Variants in SHISA9 observed in about 807,000 individuals in gnomAD.
SHISA9 encodes the protein shisa family member 9.
SHISA9 carries 13 observed loss-of-function variants against 38.0 expected under a neutral mutation model. The observed-to-expected ratio is 0.34, with a 90% CI of 0.22 to 0.54. The LOEUF (loss-of-function observed/expected upper bound fraction) is 0.54. SHISA9 is among the 20% of genes least tolerant of loss of function. SHISA9 has a pLI of 0.91. For missense variants in SHISA9, 538 were observed against 575.8 expected, an observed-to-expected ratio of 0.93 and a Z score of 0.67; for synonymous variants, 275 against 242.0, an observed-to-expected ratio of 1.14 and a Z score of -1.27.
downstream of SHISA9, among the ~76,000 whole-genome samples, chr16:13,245,258 A>G (rs2051463443): frequency 6.6e-6 from 1 of 152,226 alleles, no homozygotes; most frequent in Admixed American, 6.5e-5. Flanking sequence ...CTAAATTTCA[A>G]CTAGAGGCCA....
the SHISA9 span, among the ~76,000 whole-genome samples, chr16:13,310,135 G>A: frequency 1.2e-4 from 18 of 152,254 alleles, no homozygotes; most frequent in African/African-American, 4.3e-4. Flanking sequence ...TGATCCACCT[G>A]CCTCGGCCTC....
chr16:13,188,716 CAAAAAAA>C (rs35558481), intron 2 of SHISA9, among the ~76,000 whole-genome samples: 10 of 79,346 alleles, frequency 1.3e-4, no homozygotes, highest in East Asian at 3.8e-4. Context: ...GACCCTGTTT[CAAAAAAA>C]AAAAAAAAAA....
chr16:13,529,439 G>A, the SHISA9 span, among the ~76,000 whole-genome samples: 1 of 152,134 alleles, frequency 6.6e-6, no homozygotes, highest in Non-Finnish European at 1.5e-5. Context: ...ACCCACCTAT[G>A]ACCTGTAAAT....
At position 13,181,267 on chromosome 16, in the gene SHISA9, T is replaced by TTATA. The variant is rs1156705123; in HGVS notation, c.692-22084_692-22081dup. Among the ~76,000 whole-genome samples the TTATA allele has an allele frequency of 9.3e-3, 739 of 79,372 alleles. 8 individuals carry two copies. Among genetic ancestry groups the TTATA allele is most frequent in the Non-Finnish European group, 0.013 (516 of 40,954 alleles). The allele number at this position is 79,372 out of a possible 152,430, so 52.1% of individuals were successfully genotyped here. The stretch of plus-strand genomic sequence containing the variant: ...AGAAAGTCTTTCCTAAAATAAAATT[T>TTATA]TATATATATATATATATATATATAT... On this transcript the variant is annotated intron_variant, in intron 2 of 4. Transcript: ENST00000558583.
intron 2 of SHISA9, among the ~76,000 whole-genome samples, chr16:13,093,366 G>T (rs927026839): frequency 1.1e-4 from 17 of 152,174 alleles, no homozygotes; most frequent in African/African-American, 3.9e-4. Context: ...GCCTCAGTTT[G>T]TTCATCTATA....
the SHISA9 span, among the ~76,000 whole-genome samples, chr16:13,349,167 TC>T: frequency 3.9e-5 from 6 of 152,196 alleles, no homozygotes; most frequent in Admixed American, 6.5e-5. Context: ...AAATATCAAC[TC>T]CCTTTGTTCT....
At chr16:13,452,212 A>AG in the SHISA9 span, among the ~76,000 whole-genome samples, 1 of 152,164 alleles carries the variant, frequency 6.6e-6, no homozygotes, top group African/African-American at 2.4e-5. Context: ...TTACAGAGGG[A>AG]GGGTGCACAG....
chr16:13,415,551 T>G, the SHISA9 span, among the ~76,000 whole-genome samples: 1 of 152,174 alleles, frequency 6.6e-6, no homozygotes, highest in Admixed American at 6.5e-5. Context: ...TAAGTTTACC[T>G]ATATAACCAA....
chr16:12,908,339 G>A (rs2071131562), intron 1 of SHISA9: 1 of 1,341,290 alleles, frequency 7.5e-7, no homozygotes, highest in African/African-American at 1.5e-5. Context: ...ATAGGAGGGA[G>A]GGTCTATATG....
At chr16:13,167,000 GA>G (rs1358524532) in intron 2 of SHISA9, among the ~76,000 whole-genome samples, 6 of 150,192 alleles carry the variant, frequency 4.0e-5, no homozygotes, top group Admixed American at 6.6e-5. Context: ...AATTTTTTAA[GA>G]TTTTTTTTCC....
chr16:13,375,672 C>A, the SHISA9 span, among the ~76,000 whole-genome samples: 3 of 151,524 alleles, frequency 2.0e-5, no homozygotes, highest in East Asian at 5.8e-4. Flanking sequence ...TTAGCAATAG[C>A]CAAAAAACAA....
At chr16:12,984,012 T>A (rs1385478637) in intron 2 of SHISA9, among the ~76,000 whole-genome samples, 4 of 152,332 alleles carry the variant, frequency 2.6e-5, no homozygotes, top group Non-Finnish European at 4.4e-5. Flanking sequence ...GGTGTTTTTT[T>A]AAAAAATGTA....
At chr16:13,469,354 G>GA in the SHISA9 span, among the ~76,000 whole-genome samples, 792 of 100,410 alleles carry the variant, frequency 7.9e-3, 1 homozygote, top group Admixed American at 0.015. Flanking sequence ...AAGAAAGAAA[G>GA]AAAGAAAAGA....
chr16:13,529,322 C>T, the SHISA9 span, among the ~76,000 whole-genome samples: 2 of 152,328 alleles, frequency 1.3e-5, no homozygotes, highest in East Asian at 1.9e-4. Context: ...TAGCATGCCA[C>T]GATGATTAGC....
At chr16:13,124,283 A>G (rs2050237981) in intron 2 of SHISA9, among the ~76,000 whole-genome samples, 1 of 152,166 alleles carries the variant, frequency 6.6e-6, no homozygotes. Context: ...AAATGGGGGG[A>G]TAATGAACAG....
At chr16:13,438,181 C>G in the SHISA9 span, among the ~76,000 whole-genome samples, 1 of 152,118 alleles carries the variant, frequency 6.6e-6, no homozygotes, top group African/African-American at 2.4e-5. Context: ...ACTTTTTATA[C>G]CATTTCAATA....
the SHISA9 span, among the ~76,000 whole-genome samples, chr16:13,260,016 T>C: frequency 1.8e-5 from 2 of 109,252 alleles, no homozygotes; most frequent in African/African-American, 3.6e-5. Flanking sequence ...TCTTTTTTTT[T>C]TTTTTTTTTT....
chr16:13,528,515 C>T, the SHISA9 span, among the ~76,000 whole-genome samples: 329 of 152,184 alleles, frequency 2.2e-3, 1 homozygote, highest in African/African-American at 7.6e-3. Flanking sequence ...AATTGAAATT[C>T]ATCAAGATCC....
the SHISA9 span, among the ~76,000 whole-genome samples, chr16:13,304,747 G>A: frequency 1.1e-4 from 16 of 152,144 alleles, no homozygotes; most frequent in Admixed American, 2.0e-4. Flanking sequence ...AAACTGATTC[G>A]TAGTGAGGTT....
Sources: allele counts gnomAD v4.1 joint callset (sites outside exome capture counted in the v4.1 genomes callset), GRCh38; gene constraint gnomAD v4.1.1; transcripts MANE v1.5; gene names NCBI Gene and HGNC (gene_info 2026-07-23, HGNC 2026-07-21).